PRORP: variants seen among roughly 807,000 people sequenced by gnomAD.
PRORP encodes mitochondrial ribonuclease P catalytic subunit.
A neutral mutation model predicts 59.4 loss-of-function variants in PRORP; 51 were observed. The observed-to-expected ratio is 0.86, with a 90% CI of 0.69 to 1.08. The LOEUF is 1.08. Among genes scored for constraint, PRORP ranks in the 50% least tolerant of loss-of-function variants. The pLI, the probability that PRORP is intolerant of heterozygous loss-of-function variation, is 0.00. For synonymous variants in PRORP, 231 were observed against 245.6 expected (o/e 0.94, Z 0.55); for missense variants, 646 against 690.3 (o/e 0.94, Z 0.72).
At chr14:35,202,131 G>A (rs943005210) in intron 5 of PRORP, among the ~76,000 whole-genome samples, 6 of 151,294 alleles carry the variant, frequency 4.0e-5, no homozygotes, top group Non-Finnish European at 5.9e-5. Context: ...CACCACGCCC[G>A]GCTAACTTTT....
intron 5 of PRORP, among the ~76,000 whole-genome samples, chr14:35,195,754 A>T (rs1277703641): frequency 6.6e-6 from 1 of 152,042 alleles, no homozygotes. Flanking sequence ...GTAGAAATCT[A>T]TTTTTTTAAC....
intron 4 of PRORP, 74 bp downstream of exon 4, chr14:35,127,685 A>C (rs979010868): frequency 1.3e-6 from 2 of 1,507,942 alleles, no homozygotes; most frequent in Non-Finnish European, 1.8e-6. Flanking sequence ...GTAAAATGCC[A>C]GATACTAAAT....
intron 5 of PRORP, among the ~76,000 whole-genome samples, chr14:35,230,938 A>AACACACACACAC (rs60270535): frequency 2.3e-3 from 338 of 144,556 alleles, no homozygotes; most frequent in Middle Eastern, 0.011. Context: ...AGGAAAAGAG[A>AACACACACACAC]ACACACACAC....
At chr14:35,217,595 G>C (rs2049638156) in intron 5 of PRORP, among the ~76,000 whole-genome samples, 1 of 151,186 alleles carries the variant, frequency 6.6e-6, no homozygotes, top group African/African-American at 2.4e-5. Flanking sequence ...TTTACATTTA[G>C]GTTTTTTTTC....
At chr14:35,176,688 C>T (rs2048459987) in intron 4 of PRORP, among the ~76,000 whole-genome samples, 2 of 152,170 alleles carry the variant, frequency 1.3e-5, no homozygotes, top group African/African-American at 2.4e-5. Context: ...CATCTGCAAA[C>T]AGGGACAATT....
Position 35,142,367 on chromosome 14 carries a change from A to G in PRORP, c.1167+14756A>G, listed in dbSNP as rs148036517. Among the ~76,000 whole-genome samples the G allele has an allele frequency of 5.7e-3, 733 of 128,200 alleles. 18 individuals are homozygous for G. Among genetic ancestry groups the G allele is most frequent in the African/African-American group, 0.019 (709 of 36,956 alleles). 84.1% of individuals were successfully genotyped at this position (128,200 alleles called of 152,430 possible). A position where few individuals can be genotyped will look rare whatever the true frequency, so the allele number is the denominator to read the frequency against. ...GCTTTTTTTTTTTTTTTTTTCCAAG[A>G]GATGACGCCTTGCTCTTTTGCCCAA... On this transcript the variant is annotated intron_variant, in intron 4 of 7. Transcript: ENST00000534898.
intron 4 of PRORP, among the ~76,000 whole-genome samples, chr14:35,166,036 C>A (rs747556778): frequency 6.6e-6 from 1 of 151,888 alleles, no homozygotes; most frequent in Non-Finnish European, 1.5e-5. Context: ...AAAAAAGATT[C>A]TTCTTCTTTT....
intron 4 of PRORP, among the ~76,000 whole-genome samples, chr14:35,154,082 T>C (rs560286910): frequency 6.6e-6 from 1 of 152,190 alleles, no homozygotes; most frequent in South Asian, 2.1e-4. Context: ...CAAAGCCCAC[T>C]CCAGCTCTGC....
intron 5 of PRORP, among the ~76,000 whole-genome samples, chr14:35,227,921 G>A (rs1292524495): frequency 6.6e-6 from 1 of 151,210 alleles, no homozygotes; most frequent in Non-Finnish European, 1.5e-5. Context: ...GAGGTCGGTG[G>A]ATCACAAGGT....
chr14:35,253,108 C>G (rs747737877), intron 5 of PRORP, among the ~76,000 whole-genome samples: 3 of 152,074 alleles, frequency 2.0e-5, no homozygotes, highest in Non-Finnish European at 4.4e-5. Flanking sequence ...CCAAGGCAGG[C>G]AGATTGCTTG....
At chr14:35,131,947 C>T (rs1297345536) in intron 4 of PRORP, among the ~76,000 whole-genome samples, 1 of 151,974 alleles carries the variant, frequency 6.6e-6, no homozygotes, top group African/African-American at 2.4e-5. Flanking sequence ...TCAAGTGATT[C>T]TCCTGCCTCA....
chr14:35,200,531 T>C (rs914281776), intron 5 of PRORP, among the ~76,000 whole-genome samples: 11 of 152,138 alleles, frequency 7.2e-5, no homozygotes, highest in African/African-American at 2.7e-4. Flanking sequence ...TATTTTGTTT[T>C]AGCATCTCCA....
At chr14:35,124,814 C>T (rs2047055189) in intron 2 of PRORP, among the ~76,000 whole-genome samples, 1 of 149,974 alleles carries the variant, frequency 6.7e-6, no homozygotes, top group African/African-American at 2.5e-5. Flanking sequence ...TTCAGAAGTT[C>T]CTCTGAAATC....
intron 5 of PRORP, among the ~76,000 whole-genome samples, chr14:35,263,278 T>C (rs2050951946): frequency 6.6e-6 from 1 of 152,242 alleles, no homozygotes; most frequent in South Asian, 2.1e-4. Flanking sequence ...AAATGGATGT[T>C]GGGCATATTC....
intron 5 of PRORP, among the ~76,000 whole-genome samples, chr14:35,255,595 A>G (rs2050731000): frequency 6.6e-6 from 1 of 151,764 alleles, no homozygotes; most frequent in South Asian, 2.1e-4. Flanking sequence ...CCCAGGCTAC[A>G]CTTGAACTGC....
chr14:35,231,617 C>T (rs2050083509), intron 5 of PRORP, among the ~76,000 whole-genome samples: 1 of 152,112 alleles, frequency 6.6e-6, no homozygotes, highest in Non-Finnish European at 1.5e-5. Context: ...AACATATTTC[C>T]TTGTTGAGAT....
intron 4 of PRORP, among the ~76,000 whole-genome samples, chr14:35,151,659 C>CACAT (rs1327355310): frequency 1.3e-5 from 2 of 151,622 alleles, no homozygotes; most frequent in African/African-American, 4.8e-5. Context: ...CACACACACA[C>CACAT]ACACACACAC....
At position 35,249,067 on chromosome 14, in the gene PRORP, G is replaced by C. The variant is rs149635356; in HGVS notation, c.1276-17660G>C. 5.0e-3 allele frequency among the ~76,000 whole-genome samples: 757 copies of C among 152,258 alleles called. 7 individuals are homozygous for C. The highest frequency in any genetic ancestry group is 0.018 in the African/African-American group (730 of 41,544). ...AATCATTGTCTTTTTCCCTAAAGTG[G>C]TCTTGCGTTCTCTCAGTCTGTGGGA... is the stretch of plus-strand genomic sequence containing the variant. On this transcript the variant is annotated intron_variant, in intron 5 of 7. Coordinates refer to ENST00000534898, the MANE Select transcript of PRORP (RefSeq NM_014672.4).
chr14:35,235,594 G>A (rs1297697167), intron 5 of PRORP: 17 of 494,574 alleles, frequency 3.4e-5, no homozygotes, highest in Admixed American at 2.8e-4. Context: ...TAGTGGGGAC[G>A]TCCCCTTTGC....
Sources: gnomAD v4.1 joint callset for allele counts (sites outside exome capture counted in the v4.1 genomes callset) on GRCh38, gnomAD v4.1.1 for gene constraint, MANE v1.5 for transcripts, NCBI Gene and HGNC (gene_info 2026-07-23, HGNC 2026-07-21) for gene names.